Variants in BRF2 observed in about 807,000 individuals in gnomAD.
The protein encoded by BRF2 is transcription factor IIIB 50 kDa subunit.
BRF2 carries 17 observed loss-of-function variants against 26.6 expected under a neutral mutation model. The observed-to-expected ratio is 0.64, with a 90% CI of 0.44 to 0.96. The LOEUF is 0.96. Ranked by LOEUF, BRF2 falls within the 40% of genes least tolerant of loss-of-function variation. The pLI is 0.00. For missense variants in BRF2, 515 were observed against 537.0 expected, an observed-to-expected ratio of 0.96 and a Z score of 0.40; for synonymous variants, 219 against 226.6, an observed-to-expected ratio of 0.97 and a Z score of 0.30.
At chr8:37,846,765 GAAA>G in intron 3 of BRF2, 86 bp downstream of exon 3, 1 of 764,604 alleles carries the variant, frequency 1.3e-6, no homozygotes, top group Non-Finnish European at 2.0e-6. Flanking sequence ...AAGACTCCAA[GAAA>G]AAAAAAAAGA....
rs1369556911 is a variant in BRF2 at position 37,846,921 on chromosome 8, C to T, written c.469G>A (p.Val157Met). The T allele has an allele frequency of 2.5e-6, 4 of 1,614,186 alleles. No homozygotes were observed. Among genetic ancestry groups the T allele is most frequent in the Non-Finnish European group, 3.4e-6 (4 of 1,180,000 alleles). ...DVFSSTYMQI[V>M]KLLGLDVPSL... ...GGCACATCCAGTCCCAGGAGCTTCA[C>T]TATCTGCATGTAAGTGCTAGAAAAC... Residue 157 changes from valine to methionine, a missense_variant, in exon 3 of 4, where the codon GTG (valine) becomes ATG (methionine). Coordinates refer to ENST00000220659, the MANE Select transcript of BRF2 (RefSeq NM_018310.4).
Position 37,845,694 on chromosome 8 carries a change from T to G in BRF2, c.537-481A>C. The G allele has an allele frequency of 5.7e-6, 4 of 700,860 alleles. No homozygotes were observed. In the South Asian group the frequency reaches 5.9e-5, roughly 10 times the overall value. The allele number at this position is 700,860 out of a possible 1,614,324, so 43.4% of individuals were successfully genotyped here. A position where few individuals can be genotyped will look rare whatever the true frequency, so the allele number is the denominator to read the frequency against. On this transcript the variant is annotated intron_variant, in intron 3 of 3. Transcript: ENST00000220659. ...GCTCACGCCTGTAATACCTGCATTT[T>G]GGGAGGATCAGGTGGGCAGATCGCT...
At chr8:37,849,581 T>C in intron 1 of BRF2, 49 bp downstream of exon 1, 5 of 1,493,628 alleles carry the variant, frequency 3.3e-6, no homozygotes, top group Non-Finnish European at 4.6e-6. Flanking sequence ...AAAAGGAATC[T>C]GATGTTAATC....
At chr8:37,847,416 G>C in intron 2 of BRF2, 1 of 628,296 alleles carries the variant, frequency 1.6e-6, no homozygotes, top group South Asian at 1.5e-5. Flanking sequence ...TTTGATTCAG[G>C]GCCAAGCCCA....
intron 1 of BRF2, 34 bp from the exon 2 acceptor site, chr8:37,848,689 G>T (rs370316183): frequency 1.9e-4 from 302 of 1,576,664 alleles, no homozygotes; most frequent in Non-Finnish European, 2.6e-4. Context: ...AGTGTGCTTA[G>T]CCTTTATTCA....
At chr8:37,848,964 C>T (rs896404517) in intron 1 of BRF2, among the ~76,000 whole-genome samples, 1 of 152,218 alleles carries the variant, frequency 6.6e-6, no homozygotes, top group African/African-American at 2.4e-5. Flanking sequence ...CCTCTATAGT[C>T]CAGGCTGGAG....
Position 37,844,758 on chromosome 8 carries a change from T to A in BRF2, c.992A>T (p.Gln331Leu), listed in dbSNP as rs776175538. Reference protein sequence around the residue: ...TREKEPPGWGQGQGEGEVGNN... With the variant: ...TREKEPPGWGLGQGEGEVGNN... The stretch of plus-strand genomic sequence containing the variant: ...TCCCACCTCCCCTTCTCCTTGCCCC[T>A]GTCCCCACCCCGGTGGCTCCTTCTC... The change falls in exon 4 of 4, where the codon CAG becomes CTG. Residue 331 changes from glutamine to leucine, a missense_variant. Transcript: ENST00000220659. The A allele has an allele frequency of 6.8e-6, 11 of 1,613,798 alleles. No homozygotes were observed. In the East Asian group the frequency reaches 2.5e-4, roughly 36 times the overall value.
chr8:37,845,035 G>T lies in BRF2; in HGVS notation c.715C>A (p.Pro239Thr), dbSNP rs765405223. The change falls in exon 4 of 4, where the codon CCT (proline) becomes ACT (threonine). Residue 239 changes from proline (P) to threonine (T), a missense_variant. Pro to Thr is a conservative substitution (Grantham distance 38). Transcript: ENST00000220659. ...ATFLAWQSLQ[P>T]ADRLSCSLAR... ...AGGGAACATGAAAGCCGATCTGCAGGCTGCAGCGACTGCCAAGCCAGGAAA... is the reference window on the plus strand; with the variant it reads ...AGGGAACATGAAAGCCGATCTGCAGTCTGCAGCGACTGCCAAGCCAGGAAA... 1 of 1,613,942 alleles carries T rather than the reference G, an allele frequency of 6.2e-7. No homozygotes were observed. The highest frequency in any genetic ancestry group is 2.2e-5 in the East Asian group (1 of 44,876).
At chr8:37,849,549 A>G (rs1806029713) in intron 1 of BRF2, 81 bp downstream of exon 1, 1 of 1,135,842 alleles carries the variant, frequency 8.8e-7, no homozygotes, top group South Asian at 1.4e-5. Context: ...TACAGTTAGG[A>G]GTATGGGGGG....
At chr8:37,847,928 TTTATTA>T (rs201041026) in intron 2 of BRF2, among the ~76,000 whole-genome samples, 77 of 84,002 alleles carry the variant, frequency 9.2e-4, no homozygotes, top group African/African-American at 2.5e-3. Context: ...ATAGTTTTCT[TTTATTA>T]TTATTATTAT....
intron 2 of BRF2, among the ~76,000 whole-genome samples, chr8:37,848,259 T>G (rs1806001131): frequency 6.7e-6 from 1 of 148,866 alleles, no homozygotes; most frequent in East Asian, 2.0e-4. Flanking sequence ...TCATTATTAT[T>G]TTTTTGAGAT....
At chr8:37,845,414 G>GCA (rs1442013232) in intron 3 of BRF2, among the ~76,000 whole-genome samples, 3 of 151,850 alleles carry the variant, frequency 2.0e-5, no homozygotes, top group Admixed American at 1.3e-4. Context: ...ATGGAGGAGA[G>GCA]CACGAACATT....
chr8:37,848,732 G>T, intron 1 of BRF2, 77 bp from the exon 2 acceptor site: 1 of 1,217,546 alleles, frequency 8.2e-7, no homozygotes, highest in Non-Finnish European at 1.2e-6. Context: ...CACAAAACCA[G>T]GACGCAAAAT....
intron 3 of BRF2, among the ~76,000 whole-genome samples, chr8:37,845,484 A>G (rs1320279466): frequency 6.6e-6 from 1 of 152,036 alleles, no homozygotes; most frequent in South Asian, 2.1e-4. Flanking sequence ...CATTTAATCT[A>G]CGTGCACGTG....
At position 37,844,308 on chromosome 8, in the gene BRF2, A is replaced by G. The variant is rs1208060694; in HGVS notation, c.*182T>C. On this transcript the variant is annotated 3_prime_UTR_variant, in exon 4 of 4. Coordinates refer to ENST00000220659, the MANE Select transcript of BRF2 (RefSeq NM_018310.4). ...AGGGATGGGAATCTCTCCTACCTAT[A>G]GTCATCCCTGCACTCCTGACTTTAC... 1 of 683,774 alleles carries G rather than the reference A, an allele frequency of 1.5e-6. No individual in the cohort carries two copies. Among genetic ancestry groups the G allele is most frequent in the Non-Finnish European group, 2.5e-6 (1 of 402,058 alleles). 42.4% of individuals were successfully genotyped at this position (683,774 alleles called of 1,614,324 possible). A position where few individuals can be genotyped will look rare whatever the true frequency, so the allele number is the denominator to read the frequency against.
At chr8:37,847,763 C>A (rs1805988163) in intron 2 of BRF2, among the ~76,000 whole-genome samples, 2 of 151,954 alleles carry the variant, frequency 1.3e-5, no homozygotes. Flanking sequence ...CTCCTGACCT[C>A]AAGCGATCTG....
chr8:37,844,312 A>C lies in BRF2; in HGVS notation c.*178T>G. 1 of 704,336 alleles carries C rather than the reference A, an allele frequency of 1.4e-6. No individual in the cohort carries two copies. 43.6% of individuals were successfully genotyped at this position (704,336 alleles called of 1,614,324 possible). A position where few individuals can be genotyped will look rare whatever the true frequency, so the allele number is the denominator to read the frequency against. ...ATGGGAATCTCTCCTACCTATAGTC[A>C]TCCCTGCACTCCTGACTTTACTCCA... On this transcript the variant is annotated 3_prime_UTR_variant, in exon 4 of 4. Coordinates refer to ENST00000220659, the MANE Select transcript of BRF2 (RefSeq NM_018310.4).
At chr8:37,849,168 C>G (rs1044113785) in intron 1 of BRF2, among the ~76,000 whole-genome samples, 1 of 152,206 alleles carries the variant, frequency 6.6e-6, no homozygotes, top group Admixed American at 6.5e-5. Context: ...AAGCAATCCT[C>G]TCGGCTCTGC....
chr8:37,845,904 G>C, intron 3 of BRF2: 1 of 572,196 alleles, frequency 1.7e-6, no homozygotes, highest in Non-Finnish European at 3.1e-6. Context: ...TGGGCATTCA[G>C]CCACAAAGCC....
Sources: gnomAD v4.1 joint callset for allele counts (sites outside exome capture counted in the v4.1 genomes callset) on GRCh38, gnomAD v4.1.1 for gene constraint, MANE v1.5 for transcripts, NCBI Gene and HGNC (gene_info 2026-07-23, HGNC 2026-07-21) for gene names.